The following DCC variants were observed in gnomAD, a reference collection of about 807,000 sequenced individuals.
DCC encodes the protein DCC netrin 1 receptor.
Under a neutral mutation model 172.5 loss-of-function variants are expected in DCC, and 58 were observed. The observed-to-expected ratio is 0.34, with a 90% CI of 0.27 to 0.42. The LOEUF is 0.42. Ranked by LOEUF, DCC falls within the 10% of genes least tolerant of loss-of-function variation. The probability of loss-of-function intolerance (pLI) is 1.00; values close to 1 mark genes in which losing one functional copy is unlikely to be tolerated. For synonymous variants in DCC, 709 were observed against 644.5 expected (o/e 1.10, Z -1.52); for missense variants, 1,740 against 1,791.0 (o/e 0.97, Z 0.51).
chr18:52,774,123 G>T (rs1488101359), intron 2 of DCC, among the ~76,000 whole-genome samples: 1 of 152,182 alleles, frequency 6.6e-6, no homozygotes, highest in Non-Finnish European at 1.5e-5. Flanking sequence ...CAGAAAGTGT[G>T]GTCCCTGATC....
At chr18:52,519,694 G>A (rs928782518) in intron 1 of DCC, among the ~76,000 whole-genome samples, 3 of 152,148 alleles carry the variant, frequency 2.0e-5, no homozygotes, top group Admixed American at 6.5e-5. Context: ...AGCCCAGGAG[G>A]GATCCACCTC....
chr18:53,397,260 G>A lies in DCC; in HGVS notation c.2689-48G>A, dbSNP rs199809891. 101 of 1,561,806 alleles carry A rather than the reference G, an allele frequency of 6.5e-5. No individual in the cohort carries two copies. The Middle Eastern group carries it at 1.2e-3, about 18-fold the overall frequency. On this transcript the variant is annotated intron_variant, in intron 17 of 28. Coordinates refer to ENST00000442544, the MANE Select transcript of DCC (RefSeq NM_005215.4). Reference sequence around the variant, plus strand: ...CTTTTTATATGTCTTGATTTACCAAGTTGATAGAGTTTATTTTTTATCTCT... The same window carrying A: ...CTTTTTATATGTCTTGATTTACCAAATTGATAGAGTTTATTTTTTATCTCT...
intron 5 of DCC, among the ~76,000 whole-genome samples, chr18:52,949,640 A>G (rs1248263614): frequency 1.3e-5 from 2 of 152,174 alleles, no homozygotes; most frequent in Non-Finnish European, 2.9e-5. Context: ...TATGTGTGGT[A>G]AAGAGATGAC....
At chr18:53,265,544 G>A (rs191521045) in intron 12 of DCC, among the ~76,000 whole-genome samples, 213 of 152,238 alleles carry the variant, frequency 1.4e-3, no homozygotes, top group Non-Finnish European at 2.5e-3. Flanking sequence ...TTTATTTTCC[G>A]TTTCCCTGTT....
intron 12 of DCC, among the ~76,000 whole-genome samples, chr18:53,242,574 C>CTTTTTTTTTTTTTTTTTTTT: frequency 6.6e-6 from 1 of 152,096 alleles, no homozygotes; most frequent in South Asian, 2.1e-4. Context: ...AGTATTTATT[C>CTTTTTTTTTTTTTTTTTTTT]TTATTGGGGA....
intron 5 of DCC, among the ~76,000 whole-genome samples, chr18:52,953,820 A>C (rs1384673116): frequency 6.6e-6 from 1 of 152,230 alleles, no homozygotes; most frequent in African/African-American, 2.4e-5. Flanking sequence ...GCACGAGTCC[A>C]AAATGATCAC....
chr18:52,526,954 C>T (rs533176358), intron 1 of DCC, among the ~76,000 whole-genome samples: 1 of 152,286 alleles, frequency 6.6e-6, no homozygotes, highest in South Asian at 2.1e-4. Context: ...ATACAATCTA[C>T]AGGTGGTGTT....
chr18:52,562,089 A>G (rs2033052890), intron 1 of DCC, among the ~76,000 whole-genome samples: 3 of 152,190 alleles, frequency 2.0e-5, no homozygotes, highest in Admixed American at 6.5e-5. Flanking sequence ...AAATAAAAAC[A>G]ATCTAGTTAG....
chr18:53,440,173 T>C (rs1194105467), intron 22 of DCC, among the ~76,000 whole-genome samples: 1 of 152,224 alleles, frequency 6.6e-6, no homozygotes, highest in African/African-American at 2.4e-5. Flanking sequence ...TTTGTATAAA[T>C]GACGGAACTA....
At chr18:52,488,014 A>G (rs1012938647) in intron 1 of DCC, among the ~76,000 whole-genome samples, 3 of 152,098 alleles carry the variant, frequency 2.0e-5, no homozygotes, top group African/African-American at 4.8e-5. Flanking sequence ...AGCATGTCAT[A>G]TGATCAATTG....
chr18:53,510,641 ATGTT>A (rs367770008), intron 27 of DCC, among the ~76,000 whole-genome samples: 5 of 152,298 alleles, frequency 3.3e-5, no homozygotes, highest in African/African-American at 1.2e-4. Context: ...GCCAAGTACT[ATGTT>A]TGTTTGTTAT....
intron 2 of DCC, among the ~76,000 whole-genome samples, chr18:52,759,921 A>C (rs536253724): frequency 6.6e-6 from 1 of 152,322 alleles, no homozygotes; most frequent in African/African-American, 2.4e-5. Flanking sequence ...CTTATCAGAG[A>C]AGTGGAGAAT....
chr18:53,400,988 T>C (rs1909259618), intron 18 of DCC, among the ~76,000 whole-genome samples: 2 of 152,184 alleles, frequency 1.3e-5, no homozygotes. Context: ...AAATTCCTTA[T>C]TACGTTTGAT....
intron 1 of DCC, among the ~76,000 whole-genome samples, chr18:52,437,108 A>G (rs1166628327): frequency 1.3e-5 from 2 of 152,202 alleles, no homozygotes; most frequent in Non-Finnish European, 2.9e-5. Context: ...CTGTATAGGT[A>G]TTCACAATGA....
intron 2 of DCC, among the ~76,000 whole-genome samples, chr18:52,782,337 C>G (rs74662591): frequency 2.0e-5 from 3 of 152,044 alleles, no homozygotes. Context: ...TTGTAGCATC[C>G]GCTTTGAACT....
chr18:52,379,274 A>G (rs1028001465), intron 1 of DCC, among the ~76,000 whole-genome samples: 4 of 152,174 alleles, frequency 2.6e-5, no homozygotes, highest in East Asian at 1.9e-4. Context: ...CAGATTGGAT[A>G]CATGCCCATT....
At chr18:52,730,855 A>G (rs959498508) in intron 1 of DCC, among the ~76,000 whole-genome samples, 2 of 152,138 alleles carry the variant, frequency 1.3e-5, no homozygotes, top group Non-Finnish European at 2.9e-5. Context: ...ATAACGCAAT[A>G]ATGCACTGCA....
rs1381645215 is a variant in DCC at position 52,860,984 on chromosome 18, T to A, written c.413-45060T>A. 2.9e-5 allele frequency among the ~76,000 whole-genome samples: 4 copies of A among 135,766 alleles called. No individual in the cohort carries two copies. In the East Asian group the frequency reaches 6.2e-4, roughly 21 times the overall value. 89.1% of individuals were successfully genotyped at this position (135,766 alleles called of 152,430 possible). ...TCTCACCACTGCACTCCAGCCTGGA[T>A]GACAAAGCGAGAATCTGAATCCATT... is the stretch of plus-strand genomic sequence containing the variant. On this transcript the variant is annotated intron_variant, in intron 2 of 28. Coordinates refer to ENST00000442544, the MANE Select transcript of DCC (RefSeq NM_005215.4).
chr18:53,188,463 G>A (rs571412790), intron 9 of DCC, among the ~76,000 whole-genome samples: 1 of 152,256 alleles, frequency 6.6e-6, no homozygotes, highest in South Asian at 2.1e-4. Flanking sequence ...ATAAAATAAG[G>A]ATCATACTGC....
Sources: allele counts gnomAD v4.1 joint callset (sites outside exome capture counted in the v4.1 genomes callset), GRCh38; gene constraint gnomAD v4.1.1; transcripts MANE v1.5; gene names NCBI Gene and HGNC (gene_info 2026-07-23, HGNC 2026-07-21).